PARD3B: variants seen among roughly 807,000 people sequenced by gnomAD.
PARD3B encodes par-3 family cell polarity regulator beta, also known as partitioning defective 3 homolog B.
PARD3B carries 103 observed loss-of-function variants against 130.2 expected under a neutral mutation model. That is an observed-to-expected ratio of 0.79 (90% CI 0.67 to 0.93). The LOEUF is 0.93. PARD3B is among the 40% of genes least tolerant of loss of function. The pLI is 0.00. For synonymous variants in PARD3B, 583 were observed against 553.2 expected, an observed-to-expected ratio of 1.05 and a Z score of -0.76; for missense variants, 1,609 against 1,499.2, an observed-to-expected ratio of 1.07 and a Z score of -1.21.
chr2:205,176,375 C>T lies in PARD3B; in HGVS notation c.1792-70C>T, dbSNP rs999207878. ...ACTATTCATACAGCGATCATTCTTTCACTTTGCTTCAACTGACCAAGTTGG... is the reference window on the plus strand; with the variant it reads ...ACTATTCATACAGCGATCATTCTTTTACTTTGCTTCAACTGACCAAGTTGG... On this transcript the variant is annotated intron_variant, in intron 12 of 22. Coordinates refer to ENST00000406610, the MANE Select transcript of PARD3B (RefSeq NM_001302769.2). This position sits in a 1 kb window ranked among gnomAD's most constrained non-coding sequence, Gnocchi z 5.3. 1.3e-5 allele frequency: 18 copies of T among 1,411,044 alleles called. No individual in the cohort carries two copies. The African/African-American group carries it at 2.3e-4, about 18-fold the overall frequency. The allele number at this position is 1,411,044 out of a possible 1,614,324, so 87.4% of individuals were successfully genotyped here. A position where few individuals can be genotyped will look rare whatever the true frequency, so the allele number is the denominator to read the frequency against.
At chr2:205,430,491 C>T (rs1000142213) in intron 19 of PARD3B, among the ~76,000 whole-genome samples, 1 of 152,162 alleles carries the variant, frequency 6.6e-6, no homozygotes, top group African/African-American at 2.4e-5. Context: ...AGCCACATTT[C>T]AAGAGTTCAG....
intron 1 of PARD3B, among the ~76,000 whole-genome samples, chr2:204,653,379 T>C (rs1178932786): frequency 6.6e-6 from 1 of 151,206 alleles, no homozygotes; most frequent in Non-Finnish European, 1.5e-5. Context: ...ACTTTTCACT[T>C]GTAAATACAA....
At chr2:204,593,514 T>A (rs756265977) in intron 1 of PARD3B, among the ~76,000 whole-genome samples, 1 of 152,216 alleles carries the variant, frequency 6.6e-6, no homozygotes, top group Non-Finnish European at 1.5e-5. Context: ...TCGAATAGTT[T>A]GCAGGCTCTC....
At chr2:204,681,797 G>A (rs539158469) in intron 1 of PARD3B, among the ~76,000 whole-genome samples, 6 of 152,246 alleles carry the variant, frequency 3.9e-5, no homozygotes, top group Admixed American at 3.3e-4. Context: ...TTGGTCTTGG[G>A]TAGAGGGGAG....
chr2:205,288,506 T>C lies in PARD3B; in HGVS notation c.2186-12024T>C, dbSNP rs1282774537. On this transcript the variant is annotated intron_variant, in intron 16 of 22. Coordinates refer to ENST00000406610, the MANE Select transcript of PARD3B (RefSeq NM_001302769.2). This position sits in a 1 kb window ranked among gnomAD's most constrained non-coding sequence, Gnocchi z 4.0. ...ATATTATTTTTTCTCTGAATACCAATATCATCAAGCGTTTACTCTGGTAAA... is the reference window on the plus strand; with the variant it reads ...ATATTATTTTTTCTCTGAATACCAACATCATCAAGCGTTTACTCTGGTAAA... Among the ~76,000 whole-genome samples the C allele has an allele frequency of 6.6e-6, 1 of 152,174 alleles. No individual in the cohort carries two copies. The highest frequency in any genetic ancestry group is 1.5e-5 in the Non-Finnish European group (1 of 68,032).
intron 10 of PARD3B, among the ~76,000 whole-genome samples, chr2:205,144,124 A>G (rs1363311802): frequency 6.6e-6 from 1 of 152,224 alleles, no homozygotes; most frequent in South Asian, 2.1e-4. Flanking sequence ...CATTTGGCCA[A>G]TAAGATGTTA....
rs933906409 is a variant in PARD3B, at chr2:205,269,527, A to AT, written c.2185+23714dup. On this transcript the variant is annotated intron_variant, in intron 16 of 22. Coordinates refer to ENST00000406610, the MANE Select transcript of PARD3B (RefSeq NM_001302769.2). This position sits in a 1 kb window ranked among gnomAD's most constrained non-coding sequence, Gnocchi z 4.7. ...GAATTTATATTCAGGAATTTCACTG[A>AT]TTTTTTTTTAAAGTTCCTTCAGGGG... is the stretch of plus-strand genomic sequence containing the variant. 4.0e-4 allele frequency among the ~76,000 whole-genome samples: 61 copies of AT among 151,580 alleles called. No individual in the cohort carries two copies. Among genetic ancestry groups the AT allele is most frequent in the African/African-American group, 1.2e-3 (48 of 41,346 alleles).
chr2:204,882,303 T>A, intron 2 of PARD3B, among the ~76,000 whole-genome samples: 1 of 152,196 alleles, frequency 6.6e-6, no homozygotes, highest in East Asian at 1.9e-4. Flanking sequence ...GCATGCAGAG[T>A]TATTATCATT....
Position 205,476,628 on chromosome 2 carries a change from T to TTTTGTTTG in PARD3B, c.3045-23252_3045-23245dup. On this transcript the variant is annotated intron_variant, in intron 20 of 22. Coordinates refer to ENST00000406610, the MANE Select transcript of PARD3B (RefSeq NM_001302769.2). ...TGTTTTCTGGGTTTTTTGTTTGTTT[T>TTTTGTTTG]TTTGTTTGTTTGTTTGTTTGTTTTA... Among the ~76,000 whole-genome samples, 3 of 152,186 alleles carry TTTTGTTTG rather than the reference T, an allele frequency of 2.0e-5. 1 individual carries two copies. The highest frequency in any genetic ancestry group is 7.2e-5 in the African/African-American group (3 of 41,486).
chr2:205,328,046 GAA>G (rs1479906511), intron 18 of PARD3B, among the ~76,000 whole-genome samples: 1 of 152,036 alleles, frequency 6.6e-6, no homozygotes, highest in African/African-American at 2.4e-5. Context: ...TTAGGCTAAA[GAA>G]AAAGCTATTA....
chr2:204,688,961 T>A (rs950792625), intron 2 of PARD3B, among the ~76,000 whole-genome samples: 2 of 152,136 alleles, frequency 1.3e-5, no homozygotes, highest in Non-Finnish European at 1.5e-5. Context: ...TAGGAAAGAC[T>A]CTCACTCCAG....
chr2:205,455,352 G>A (rs532745656), intron 20 of PARD3B, among the ~76,000 whole-genome samples: 15 of 152,140 alleles, frequency 9.9e-5, no homozygotes, highest in Admixed American at 9.2e-4. Context: ...ACATATATGA[G>A]TTCATATATG....
chr2:205,039,954 T>C (rs549699800), intron 3 of PARD3B, among the ~76,000 whole-genome samples: 17 of 152,182 alleles, frequency 1.1e-4, no homozygotes, highest in East Asian at 1.9e-4. Flanking sequence ...TCAGTTCTTT[T>C]TTTTGTTTGT....
At chr2:204,598,997 T>A (rs1386909376) in intron 1 of PARD3B, among the ~76,000 whole-genome samples, 1 of 152,018 alleles carries the variant, frequency 6.6e-6, no homozygotes, top group East Asian at 1.9e-4. Flanking sequence ...AGTTAATTGT[T>A]GCTCTATGGA....
At chr2:204,742,415 A>G (rs1430345336) in intron 2 of PARD3B, among the ~76,000 whole-genome samples, 2 of 152,130 alleles carry the variant, frequency 1.3e-5, no homozygotes, top group Non-Finnish European at 2.9e-5. Context: ...GGAGCTGGAG[A>G]TCGATGGGCA....
intron 20 of PARD3B, among the ~76,000 whole-genome samples, chr2:205,485,396 G>A (rs938700398): frequency 5.9e-5 from 9 of 152,258 alleles, no homozygotes; most frequent in African/African-American, 1.7e-4. Flanking sequence ...CCTCTGGCAC[G>A]TTAGCCAACA....
At chr2:205,408,098 G>A (rs970545633) in intron 19 of PARD3B, among the ~76,000 whole-genome samples, 2 of 152,130 alleles carry the variant, frequency 1.3e-5, no homozygotes, top group East Asian at 1.9e-4. Flanking sequence ...AAAGTTAATC[G>A]GTTTCAGTGT....
intron 2 of PARD3B, among the ~76,000 whole-genome samples, chr2:204,802,318 G>A (rs537348060): frequency 1.1e-4 from 17 of 152,072 alleles, no homozygotes; most frequent in Non-Finnish European, 2.4e-4. Context: ...ATTGAATGAC[G>A]ATCATTAAAA....
intron 1 of PARD3B, among the ~76,000 whole-genome samples, chr2:204,612,442 T>C (rs902122405): frequency 2.6e-5 from 4 of 152,208 alleles, no homozygotes; most frequent in African/African-American, 7.2e-5. Flanking sequence ...TTCCCAGTTA[T>C]GTTTAGTTTA....
Sources: gnomAD v4.1 joint callset for allele counts (sites outside exome capture counted in the v4.1 genomes callset) on GRCh38, gnomAD v4.1.1 for gene constraint, Gnocchi (gnomAD v3.1) non-coding constraint, MANE v1.5 for transcripts, NCBI Gene and HGNC (gene_info 2026-07-23, HGNC 2026-07-21) for gene names.